Variants in ARHGAP39 observed in about 807,000 individuals in gnomAD.
The protein encoded by ARHGAP39 is rho GTPase-activating protein 39.
A neutral mutation model predicts 106.9 loss-of-function variants in ARHGAP39; 44 were observed. The ratio of observed to expected loss-of-function variants is 0.41; its 90% confidence interval spans 0.32 to 0.53. The LOEUF (loss-of-function observed/expected upper bound fraction) is 0.53. Ranked by LOEUF, ARHGAP39 falls within the 20% of genes least tolerant of loss-of-function variation. The probability of loss-of-function intolerance (pLI) is 0.21; values close to 1 mark genes in which losing one functional copy is unlikely to be tolerated. For missense variants in ARHGAP39, 1,496 were observed against 1,577.3 expected (o/e 0.95, Z 0.87); for synonymous variants, 768 against 693.2 (o/e 1.11, Z -1.69).
intron 3 of ARHGAP39, among the ~76,000 whole-genome samples, chr8:144,570,126 C>T (rs564675117): frequency 6.6e-6 from 1 of 152,314 alleles, no homozygotes; most frequent in South Asian, 2.1e-4. Context: ...GAGGCTGAGG[C>T]AGGAGAATTA....
intron 1 of ARHGAP39, among the ~76,000 whole-genome samples, chr8:144,619,417 C>T (rs116477257): frequency 0.031 from 4,674 of 150,510 alleles, 121 homozygotes; most frequent in Admixed American, 0.066. Context: ...CGCCCGTGTG[C>T]GTGAGCCCGT....
chr8:144,605,771 C>T (rs1372152651), intron 1 of ARHGAP39, 76 bp from the exon 2 acceptor site: 6 of 724,902 alleles, frequency 8.3e-6, no homozygotes, highest in Admixed American at 6.9e-5. Context: ...AGCCCACCGC[C>T]GCAGACTGGC....
rs748313061 is a variant in ARHGAP39, at chr8:144,547,817, G to A, written c.1269C>T (p.Gly423=). 1.9e-6 allele frequency: 3 copies of A among 1,591,162 alleles called. No homozygotes were observed. Among genetic ancestry groups the A allele is most frequent in the East Asian group, 4.6e-5 (2 of 43,944 alleles). The change falls in exon 5 of 12, where the codon GGC becomes GGT. Residue 423 remains glycine, a synonymous_variant. Coordinates refer to ENST00000377307, the MANE Select transcript of ARHGAP39 (RefSeq NM_025251.3). The surrounding 1 kb of genome is among the most constrained non-coding windows in gnomAD (Gnocchi z 5.2). ...TGGGCTGCAAGGAGTACGAACCACC[G>A]CCGGGGTTGGGCGCGTACTTGTGCC... ...GPRHKYAPNP[G]GGSYSLQPSP...
At chr8:144,565,199 G>C (rs1818349614) in intron 3 of ARHGAP39, among the ~76,000 whole-genome samples, 1 of 151,632 alleles carries the variant, frequency 6.6e-6, no homozygotes. Context: ...GGACTGTCTG[G>C]GCCAGGAGGT....
chr8:144,583,169 T>C (rs1819061049), intron 2 of ARHGAP39, among the ~76,000 whole-genome samples: 1 of 152,160 alleles, frequency 6.6e-6, no homozygotes. Flanking sequence ...CAGCCCACAG[T>C]GGGTCCCCCA....
chr8:144,676,737 C>T (rs377043877), intron 1 of ARHGAP39, among the ~76,000 whole-genome samples: 11 of 152,378 alleles, frequency 7.2e-5, no homozygotes, highest in South Asian at 2.1e-4. Flanking sequence ...CACCGGCTCC[C>T]GCCCACGCCT....
intron 2 of ARHGAP39, among the ~76,000 whole-genome samples, chr8:144,601,837 C>T (rs988799837): frequency 2.4e-5 from 3 of 126,714 alleles, no homozygotes; most frequent in East Asian, 2.4e-4. Context: ...GCTCGTGTAC[C>T]TGTGTGCATG....
intron 3 of ARHGAP39, among the ~76,000 whole-genome samples, chr8:144,559,354 C>CAAAAAAAAAAA (rs59435627): frequency 2.3e-5 from 1 of 42,896 alleles, no homozygotes; most frequent in Non-Finnish European, 3.8e-5. Context: ...ACTTTGTCTC[C>CAAAAAAAAAAA]AAAAAAAAAA....
At chr8:144,562,263 C>T (rs1270940101) in intron 3 of ARHGAP39, among the ~76,000 whole-genome samples, 1 of 83,562 alleles carries the variant, frequency 1.2e-5, no homozygotes, top group African/African-American at 3.0e-5. Context: ...TGGTTTCCAT[C>T]GTGCTCCAGT....
chr8:144,684,378 G>A lies in ARHGAP39; in HGVS notation c.-82+1308C>T, dbSNP rs1211347487. Among the ~76,000 whole-genome samples the A allele has an allele frequency of 6.6e-6, 1 of 152,252 alleles. No individual in the cohort carries two copies. Among genetic ancestry groups the A allele is most frequent in the Non-Finnish European group, 1.5e-5 (1 of 68,042 alleles). ...CGGAACCACCTGCTGTCTATAGAGG[G>A]CACCTAGGACGCAGCGTCCAATTCC... On this transcript the variant is annotated intron_variant, in intron 1 of 11. Transcript: ENST00000377307. The surrounding 1 kb of genome is among the most constrained non-coding windows in gnomAD (Gnocchi z 4.4).
intron 1 of ARHGAP39, among the ~76,000 whole-genome samples, chr8:144,675,260 G>A (rs1489480975): frequency 6.6e-6 from 1 of 152,028 alleles, no homozygotes; most frequent in Admixed American, 6.6e-5. Flanking sequence ...TTGAGACAGA[G>A]TCTTACTCTG....
chr8:144,659,551 C>A (rs911413183), intron 1 of ARHGAP39, among the ~76,000 whole-genome samples: 2 of 152,180 alleles, frequency 1.3e-5, no homozygotes, highest in Admixed American at 1.3e-4. Flanking sequence ...AGTGGAGAGA[C>A]AAGTGTTATT....
chr8:144,642,232 T>C (rs989807294), intron 1 of ARHGAP39, among the ~76,000 whole-genome samples: 2 of 152,134 alleles, frequency 1.3e-5, no homozygotes, highest in African/African-American at 4.8e-5. Context: ...GGCCTGTTAA[T>C]CCCAGCAATT....
chr8:144,664,321 AG>A lies in ARHGAP39; in HGVS notation c.-82+21364del, dbSNP rs1317215193. ...TCCCTCCCTCCACATGGCAGCCAGC[AG>A]GATCCTTTTAAAACAGACAAGGCAG... On this transcript the variant is annotated intron_variant, in intron 1 of 11. Coordinates refer to ENST00000377307, the MANE Select transcript of ARHGAP39 (RefSeq NM_025251.3). Among the ~76,000 whole-genome samples, 3 of 152,284 alleles carry A rather than the reference AG, an allele frequency of 2.0e-5. No individual in the cohort carries two copies. In the East Asian group the frequency reaches 5.8e-4, roughly 29 times the overall value.
chr8:144,548,294 G>A lies in ARHGAP39; in HGVS notation c.792C>T (p.Thr264=), dbSNP rs1184938563. ...ACGGCCTCCTCTCTGGGAAGAAGAT[G>A]GTGCCGTCAGCCTCCGGGGCGAAGG... ...LQTFAPEADG[T]IFFPERRPSP... The change falls in exon 5 of 12, where the codon ACC becomes ACT. Residue 264 remains threonine (T), a synonymous_variant. Transcript: ENST00000377307. This position sits in a 1 kb window ranked among gnomAD's most constrained non-coding sequence, Gnocchi z 7.4. 1 of 1,608,878 alleles carries A rather than the reference G, an allele frequency of 6.2e-7. No homozygotes were observed. The highest frequency in any genetic ancestry group is 8.5e-7 in the Non-Finnish European group (1 of 1,177,452).
intron 1 of ARHGAP39, among the ~76,000 whole-genome samples, chr8:144,630,194 C>T (rs866679786): frequency 2.7e-4 from 41 of 152,188 alleles, no homozygotes; most frequent in Admixed American, 3.9e-4. Flanking sequence ...GGCCCCCACC[C>T]GGCACTGTCC....
At chr8:144,572,425 T>C (rs372656155) in intron 3 of ARHGAP39, among the ~76,000 whole-genome samples, 1 of 152,232 alleles carries the variant, frequency 6.6e-6, no homozygotes, top group Non-Finnish European at 1.5e-5. Context: ...GCTAGCCATA[T>C]GTAGAAAGCT....
intron 2 of ARHGAP39, among the ~76,000 whole-genome samples, chr8:144,599,467 T>G (rs962907658): frequency 1.3e-5 from 2 of 152,214 alleles, no homozygotes; most frequent in African/African-American, 4.8e-5. Flanking sequence ...AACATCTGTT[T>G]ATTCTTCACA....
intron 1 of ARHGAP39, among the ~76,000 whole-genome samples, chr8:144,606,610 A>AAGGAGG (rs537326469): frequency 2.7e-5 from 4 of 150,760 alleles, no homozygotes; most frequent in Non-Finnish European, 5.9e-5. Flanking sequence ...GGAGGAGGAG[A>AAGGAGG]AGGAGGAGGA....
Sources: allele counts gnomAD v4.1 joint callset (sites outside exome capture counted in the v4.1 genomes callset), GRCh38; gene constraint gnomAD v4.1.1; non-coding constraint Gnocchi (gnomAD v3.1); transcripts MANE v1.5; gene names NCBI Gene and HGNC (gene_info 2026-07-23, HGNC 2026-07-21).